Variants in HIPK3 observed in about 807,000 individuals in gnomAD.
The protein encoded by HIPK3 is homeodomain-interacting protein kinase 3.
Under a neutral mutation model 124.2 loss-of-function variants are expected in HIPK3, and 47 were observed. That is an observed-to-expected ratio of 0.38 (90% confidence interval 0.30 to 0.48). HIPK3 has a LOEUF of 0.48. Ranked by LOEUF, HIPK3 falls within the 20% of genes least tolerant of loss-of-function variation. The probability of loss-of-function intolerance (pLI) is 0.98; values close to 1 mark genes in which losing one functional copy is unlikely to be tolerated. For synonymous variants in HIPK3, 482 were observed against 515.2 expected (o/e 0.94, Z 0.87); for missense variants, 1,286 against 1,454.3 (o/e 0.88, Z 1.88).
rs941816904 is a variant in HIPK3, at chr11:33,353,976, G to C, written c.*408G>C. 5.7e-6 allele frequency: 1 copy of C among 174,236 alleles called. No individual in the cohort carries two copies. Among genetic ancestry groups the C allele is most frequent in the African/African-American group, 2.4e-5 (1 of 41,746 alleles). The allele number at this position is 174,236 out of a possible 1,614,324, so 10.8% of individuals were successfully genotyped here. ...ATTATCCGTGTCTTAGTGTATAAAT[G>C]TTGGGTCACTTACCTAAGAAATTGA... On this transcript the variant is annotated 3_prime_UTR_variant, in exon 17 of 17. Transcript: ENST00000303296.
chr11:33,307,738 G>A (rs916959001), intron 2 of HIPK3, among the ~76,000 whole-genome samples: 5 of 150,926 alleles, frequency 3.3e-5, no homozygotes, highest in African/African-American at 1.2e-4. Flanking sequence ...TATGTGCTTG[G>A]TTGTTTTATT....
intron 2 of HIPK3, among the ~76,000 whole-genome samples, 185 bp from the exon 3 acceptor site, chr11:33,328,325 C>T (rs1360151160): frequency 6.6e-6 from 1 of 152,142 alleles, no homozygotes; most frequent in Non-Finnish European, 1.5e-5. Context: ...ATGTTGTACT[C>T]ATAGTACCCC....
intron 15 of HIPK3, 23 bp from the exon 16 acceptor site, chr11:33,352,114 CT>C: frequency 6.2e-7 from 1 of 1,604,280 alleles, no homozygotes; most frequent in South Asian, 1.1e-5. Context: ...AGCATAAACT[CT>C]TTAATATTTT....
chr11:33,293,602 C>T (rs1240502891), intron 2 of HIPK3, among the ~76,000 whole-genome samples: 2 of 151,978 alleles, frequency 1.3e-5, no homozygotes, highest in Admixed American at 1.3e-4. Flanking sequence ...TGTATCAATA[C>T]TTACTACTTT....
At chr11:33,285,581 ATAT>A (rs1565063211) in intron 1 of HIPK3, among the ~76,000 whole-genome samples, 108 of 44,100 alleles carry the variant, frequency 2.4e-3, no homozygotes, top group African/African-American at 0.012. Context: ...AAAAAAAAAT[ATAT>A]ATATATATAT....
At chr11:33,338,271 G>A (rs994298844) in intron 4 of HIPK3, among the ~76,000 whole-genome samples, 6 of 151,996 alleles carry the variant, frequency 3.9e-5, no homozygotes. Flanking sequence ...GTCTTACTCT[G>A]TTGCAAGGCT....
chr11:33,328,430 C>A, intron 2 of HIPK3, 80 bp from the exon 3 acceptor site: 2 of 1,410,940 alleles, frequency 1.4e-6, no homozygotes, highest in Non-Finnish European at 9.9e-7. Context: ...GTCATTTTAC[C>A]AACTTCCTAG....
chr11:33,277,985 C>G (rs1016038605), intron 1 of HIPK3, among the ~76,000 whole-genome samples: 1 of 152,120 alleles, frequency 6.6e-6, no homozygotes, highest in Non-Finnish European at 1.5e-5. Context: ...ACGTGTATTG[C>G]AAATAACTTC....
At chr11:33,350,197 G>A (rs939471743) in intron 14 of HIPK3, among the ~76,000 whole-genome samples, 1 of 152,150 alleles carries the variant, frequency 6.6e-6, no homozygotes, top group Non-Finnish European at 1.5e-5. Context: ...GCATAATGAA[G>A]TACTCACTGG....
intron 2 of HIPK3, among the ~76,000 whole-genome samples, chr11:33,298,394 T>C (rs1302199197): frequency 1.3e-5 from 2 of 152,210 alleles, no homozygotes; most frequent in African/African-American, 4.8e-5. Flanking sequence ...TGGAGATATA[T>C]AGGGAGAATA....
intron 5 of HIPK3, 99 bp from the exon 6 acceptor site, chr11:33,339,251 T>A: frequency 1.2e-6 from 1 of 813,724 alleles, no homozygotes; most frequent in Non-Finnish European, 2.0e-6. Flanking sequence ...CCCTCTCCTC[T>A]CCTGTGTTGT....
chr11:33,324,761 G>A (rs931468323), intron 2 of HIPK3, among the ~76,000 whole-genome samples: 1 of 152,146 alleles, frequency 6.6e-6, no homozygotes, highest in Non-Finnish European at 1.5e-5. Flanking sequence ...TGGCCTATCC[G>A]AGACTTTCTC....
rs1487393998 is a variant in HIPK3, at chr11:33,301,115, C to T, written c.1097+13604C>T. On this transcript the variant is annotated intron_variant, in intron 2 of 16. Coordinates refer to ENST00000303296, the MANE Select transcript of HIPK3 (RefSeq NM_005734.5). Reference sequence around the variant, plus strand: ...GAGTTTGTTCTTTCTTATGTGTAATCCCTCATTTGACACCAAGAAACTGAC... The same window carrying T: ...GAGTTTGTTCTTTCTTATGTGTAATTCCTCATTTGACACCAAGAAACTGAC... Among the ~76,000 whole-genome samples, 4 of 152,054 alleles carry T rather than the reference C, an allele frequency of 2.6e-5. No individual in the cohort carries two copies. The East Asian group carries it at 5.8e-4, about 22-fold the overall frequency.
chr11:33,318,318 TG>T (rs1172897102), intron 2 of HIPK3, among the ~76,000 whole-genome samples: 1 of 152,108 alleles, frequency 6.6e-6, no homozygotes, highest in Non-Finnish European at 1.5e-5. Flanking sequence ...CCTCCCATGT[TG>T]GCCACCCAAA....
At chr11:33,273,108 T>C (rs1391688742) in intron 1 of HIPK3, among the ~76,000 whole-genome samples, 1 of 151,916 alleles carries the variant, frequency 6.6e-6, no homozygotes, top group Admixed American at 6.6e-5. Context: ...GTTTCCGACT[T>C]GATACCAGAG....
At chr11:33,308,025 CTG>C (rs1435052083) in intron 2 of HIPK3, among the ~76,000 whole-genome samples, 6 of 151,924 alleles carry the variant, frequency 3.9e-5, no homozygotes. Flanking sequence ...TGATATTTTC[CTG>C]TTTCCTTTTT....
chr11:33,341,592 G>A lies in HIPK3; in HGVS notation c.1803G>A (p.Val601=). The part of the protein sequence containing the change: ...QALTTSAHSV[V]HHGIPLQAGT... ...TGACCACATCTGCTCATTCAGTTGTGCACCATGGAATACCTCTGCAGGCAG... is the reference window on the plus strand; with the variant it reads ...TGACCACATCTGCTCATTCAGTTGTACACCATGGAATACCTCTGCAGGCAG... Residue 601 remains valine (V), a synonymous_variant, in exon 8 of 17, where the codon GTG becomes GTA. Coordinates refer to ENST00000303296, the MANE Select transcript of HIPK3 (RefSeq NM_005734.5). 1 of 1,613,628 alleles carries A rather than the reference G, an allele frequency of 6.2e-7. No homozygotes were observed. The highest frequency in any genetic ancestry group is 8.5e-7 in the Non-Finnish European group (1 of 1,179,772).
At chr11:33,305,120 C>T (rs1239784808) in intron 2 of HIPK3, among the ~76,000 whole-genome samples, 1 of 152,216 alleles carries the variant, frequency 6.6e-6, no homozygotes, top group Admixed American at 6.5e-5. Context: ...CCTGCTTCAG[C>T]TTCCCAAGTA....
intron 2 of HIPK3, among the ~76,000 whole-genome samples, chr11:33,305,245 G>C (rs1246580253): frequency 6.6e-6 from 1 of 152,004 alleles, no homozygotes. Flanking sequence ...TAAGTGATCT[G>C]CCTGCCTCAG....
Sources: gnomAD v4.1 joint callset for allele counts (sites outside exome capture counted in the v4.1 genomes callset) on GRCh38, gnomAD v4.1.1 for gene constraint, MANE v1.5 for transcripts, NCBI Gene and HGNC (gene_info 2026-07-23, HGNC 2026-07-21) for gene names.